DCC: variants seen among roughly 807,000 people sequenced by gnomAD.
DCC encodes the protein DCC netrin 1 receptor.
In DCC, 58 loss-of-function variants were observed where a neutral mutation model predicts 172.5. The ratio of observed to expected loss-of-function variants is 0.34; its 90% CI spans 0.27 to 0.42. The LOEUF is 0.42. DCC is among the 10% of genes least tolerant of loss of function. The pLI is 1.00. For synonymous variants in DCC, 709 were observed against 644.5 expected, an observed-to-expected ratio of 1.10 and a Z score of -1.52; for missense variants, 1,740 against 1,791.0, an observed-to-expected ratio of 0.97 and a Z score of 0.51.
chr18:53,192,096 G>A (rs777108775), intron 9 of DCC, among the ~76,000 whole-genome samples: 19 of 152,138 alleles, frequency 1.2e-4, no homozygotes, highest in Non-Finnish European at 2.4e-4. Context: ...TCAGTCAGCC[G>A]ACCAGAAGCC....
chr18:53,327,814 G>C (rs1370000626), intron 14 of DCC, among the ~76,000 whole-genome samples: 1 of 152,192 alleles, frequency 6.6e-6, no homozygotes, highest in African/African-American at 2.4e-5. Context: ...GTGCACAGAG[G>C]AGTGAAGGTG....
At chr18:52,818,410 T>C (rs1312852143) in intron 2 of DCC, among the ~76,000 whole-genome samples, 2 of 98,424 alleles carry the variant, frequency 2.0e-5, no homozygotes, top group Non-Finnish European at 3.7e-5. Flanking sequence ...AGACCCTGTC[T>C]CAAAAAGTAA....
chr18:53,212,917 C>A (rs1026031805), intron 11 of DCC, among the ~76,000 whole-genome samples: 1 of 152,102 alleles, frequency 6.6e-6, no homozygotes, highest in Non-Finnish European at 1.5e-5. Context: ...AGTGAGCCAC[C>A]TCCCTCGGGC....
intron 25 of DCC, among the ~76,000 whole-genome samples, chr18:53,471,966 T>C (rs2045702105): frequency 6.6e-6 from 1 of 152,144 alleles, no homozygotes; most frequent in Non-Finnish European, 1.5e-5. Flanking sequence ...CCTATTTTGG[T>C]CATTTTGAGT....
chr18:52,992,863 A>G (rs1040040790), intron 5 of DCC, among the ~76,000 whole-genome samples: 1 of 151,944 alleles, frequency 6.6e-6, no homozygotes, highest in African/African-American at 2.4e-5. Context: ...TCGTAATCCC[A>G]GCTACATCGG....
intron 1 of DCC, among the ~76,000 whole-genome samples, chr18:52,603,276 C>G (rs1237661930): frequency 6.6e-6 from 1 of 151,848 alleles, no homozygotes; most frequent in Non-Finnish European, 1.5e-5. Flanking sequence ...GGTTCTAGTC[C>G]CAAATCTAGC....
intron 7 of DCC, among the ~76,000 whole-genome samples, chr18:53,126,267 C>T (rs547219675): frequency 6.6e-6 from 1 of 152,198 alleles, no homozygotes; most frequent in East Asian, 1.9e-4. Flanking sequence ...CTTTGGCTTT[C>T]ACCCCTGGGA....
At chr18:53,492,709 C>G (rs1344339141) in intron 26 of DCC, among the ~76,000 whole-genome samples, 1 of 152,142 alleles carries the variant, frequency 6.6e-6, no homozygotes, top group Non-Finnish European at 1.5e-5. Flanking sequence ...GTTACTGTAG[C>G]CTTGTAGAAT....
intron 2 of DCC, among the ~76,000 whole-genome samples, chr18:52,889,832 A>G (rs17479440): frequency 0.39 from 59,730 of 151,976 alleles, 12,342 homozygotes; most frequent in Non-Finnish European, 0.47. Flanking sequence ...AAGTCATTCA[A>G]TTGAAGCAGA....
At chr18:53,473,185 T>C (rs1262665513) in intron 25 of DCC, among the ~76,000 whole-genome samples, 1 of 152,202 alleles carries the variant, frequency 6.6e-6, no homozygotes, top group Non-Finnish European at 1.5e-5. Flanking sequence ...CGATATAGCA[T>C]TTATTACACA....
intron 5 of DCC, among the ~76,000 whole-genome samples, chr18:52,926,455 C>T (rs948136441): frequency 2.0e-5 from 3 of 151,760 alleles, no homozygotes; most frequent in African/African-American, 7.2e-5. Flanking sequence ...AAAATATTAG[C>T]TGCCTTTAAA....
At chr18:52,485,459 A>G (rs1362988414) in intron 1 of DCC, among the ~76,000 whole-genome samples, 2 of 152,142 alleles carry the variant, frequency 1.3e-5, no homozygotes, top group African/African-American at 2.4e-5. Context: ...ATACAGCACT[A>G]AAAGAGTTAT....
At chr18:53,320,230 T>G (rs888899583) in intron 13 of DCC, among the ~76,000 whole-genome samples, 2 of 151,698 alleles carry the variant, frequency 1.3e-5, no homozygotes, top group African/African-American at 4.8e-5. Context: ...CCACCACCAC[T>G]CCCAGCTAAT....
intron 12 of DCC, among the ~76,000 whole-genome samples, chr18:53,260,930 C>A (rs2056589879): frequency 6.6e-6 from 1 of 152,144 alleles, no homozygotes; most frequent in Non-Finnish European, 1.5e-5. Flanking sequence ...GCCTCGCTGC[C>A]ACCTTGCAGT....
intron 5 of DCC, among the ~76,000 whole-genome samples, chr18:52,962,274 C>T (rs1419747256): frequency 6.6e-6 from 1 of 151,788 alleles, no homozygotes; most frequent in African/African-American, 2.4e-5. Context: ...AAAAAACAAC[C>T]CCATCAAAAA....
chr18:52,916,645 CG>C (rs2040045389), intron 3 of DCC, among the ~76,000 whole-genome samples: 1 of 152,034 alleles, frequency 6.6e-6, no homozygotes, highest in African/African-American at 2.4e-5. Context: ...TAGCACAAAA[CG>C]TTTATAAATA....
chr18:53,276,808 A>G lies in DCC; in HGVS notation c.1912-28770A>G, dbSNP rs1457375014. ...TTGACATTTGGGTTTAAGGTAGTAA[A>G]GAAACATTGAATTTAAGATATTGAT... On this transcript the variant is annotated intron_variant, in intron 12 of 28. Coordinates refer to ENST00000442544, the MANE Select transcript of DCC (RefSeq NM_005215.4). Among the ~76,000 whole-genome samples the G allele has an allele frequency of 2.6e-5, 4 of 152,302 alleles. No homozygotes were observed. The East Asian group carries it at 7.7e-4, about 29-fold the overall frequency.
intron 7 of DCC, among the ~76,000 whole-genome samples, chr18:53,121,939 T>C (rs550711832): frequency 6.6e-6 from 1 of 152,100 alleles, no homozygotes; most frequent in South Asian, 2.1e-4. Flanking sequence ...GAGGATCCAC[T>C]CAGTGATAAA....
At chr18:53,328,260 T>G (rs1176902029) in intron 14 of DCC, among the ~76,000 whole-genome samples, 1 of 152,172 alleles carries the variant, frequency 6.6e-6, no homozygotes, top group African/African-American at 2.4e-5. Context: ...GACTTTTTTC[T>G]AAGTACCATG....
Sources: allele counts gnomAD v4.1 joint callset (sites outside exome capture counted in the v4.1 genomes callset), GRCh38; gene constraint gnomAD v4.1.1; transcripts MANE v1.5; gene names NCBI Gene and HGNC (gene_info 2026-07-23, HGNC 2026-07-21).